Variants in SPTBN5 observed in about 807,000 individuals in gnomAD.
The protein encoded by SPTBN5 is spectrin beta, non-erythrocytic 5.
Under a neutral mutation model 477.6 loss-of-function variants are expected in SPTBN5, and 513 were observed. That is an observed-to-expected ratio of 1.07 (90% CI 1.00 to 1.16). The LOEUF (loss-of-function observed/expected upper bound fraction) is 1.16. Among genes scored for constraint, SPTBN5 ranks in the 50% most tolerant of loss-of-function variants. The probability of loss-of-function intolerance (pLI) is 0.00; values close to 1 mark genes in which losing one functional copy is unlikely to be tolerated. For missense variants in SPTBN5, 5,062 were observed against 4,731.8 expected, an observed-to-expected ratio of 1.07 and a Z score of -2.05; for synonymous variants, 2,169 against 2,011.7, an observed-to-expected ratio of 1.08 and a Z score of -2.09.
chr15:41,848,800 CGTGA>C (rs1328718079), intron 67 of SPTBN5, among the ~76,000 whole-genome samples, 172 bp from the exon 68 acceptor site: 2 of 152,024 alleles, frequency 1.3e-5, no homozygotes, highest in African/African-American at 2.4e-5. Context: ...CACAGTGACG[CGTGA>C]GTGGGTGGGA....
chr15:41,848,885 A>T (rs1251030214), intron 67 of SPTBN5, among the ~76,000 whole-genome samples: 1 of 152,182 alleles, frequency 6.6e-6, no homozygotes, highest in African/African-American at 2.4e-5. Flanking sequence ...TGGGTTAGAG[A>T]CAGCAGAAAA....
At chr15:41,859,313 C>T (rs1383252916) in intron 47 of SPTBN5, among the ~76,000 whole-genome samples, 3 of 152,158 alleles carry the variant, frequency 2.0e-5, no homozygotes, top group African/African-American at 2.4e-5. Context: ...CTCACACCTC[C>T]AGGCCCAGCT....
chr15:41,852,779 G>GA, intron 60 of SPTBN5, 44 bp from the exon 61 acceptor site: 1 of 1,603,782 alleles, frequency 6.2e-7, no homozygotes, highest in East Asian at 2.2e-5. Flanking sequence ...TGGGGGGGGG[G>GA]GCCCAGAGCC....
At chr15:41,849,046 G>C (rs534488217) in intron 67 of SPTBN5, among the ~76,000 whole-genome samples, 1 of 152,208 alleles carries the variant, frequency 6.6e-6, no homozygotes, top group Non-Finnish European at 1.5e-5. Context: ...ACCCCTCATG[G>C]TATGAGCCCT....
intron 16 of SPTBN5, 122 bp from the exon 17 acceptor site, chr15:41,878,751 C>T (rs555682490): frequency 4.5e-6 from 5 of 1,112,290 alleles, no homozygotes; most frequent in Middle Eastern, 3.0e-4. Context: ...ATGCCCACCC[C>T]ACCCTTGACC....
intron 4 of SPTBN5, 25 bp downstream of exon 4, chr15:41,890,064 C>T (rs774717576): frequency 2.6e-6 from 4 of 1,531,354 alleles, no homozygotes; most frequent in Non-Finnish European, 2.7e-6. Flanking sequence ...TCACCAGGTG[C>T]TGGGTACTGG....
At chr15:41,885,687 A>G (rs2067123982) in intron 7 of SPTBN5, 48 bp downstream of exon 7, 1 of 1,520,692 alleles carries the variant, frequency 6.6e-7, no homozygotes, top group Non-Finnish European at 8.8e-7. Flanking sequence ...GGGGTGTGGT[A>G]GGACAGCCTC....
Position 41,863,647 on chromosome 15 carries a change from C to T in SPTBN5, c.7149+57G>A. ...CGCATGGGAGACTCTAGGCAGTGCCCCCTCCCCTGACTGCATTTGCTCACA... is the reference window on the plus strand; with the variant it reads ...CGCATGGGAGACTCTAGGCAGTGCCTCCTCCCCTGACTGCATTTGCTCACA... On this transcript the variant is annotated intron_variant, in intron 41 of 67. Transcript: ENST00000320955. 2.2e-6 allele frequency: 3 copies of T among 1,394,440 alleles called. No homozygotes were observed. In the South Asian group the frequency reaches 3.6e-5, roughly 17 times the overall value. The allele number at this position is 1,394,440 out of a possible 1,614,324, so 86.4% of individuals were successfully genotyped here. A position where few individuals can be genotyped will look rare whatever the true frequency, so the allele number is the denominator to read the frequency against.
intron 27 of SPTBN5, 133 bp downstream of exon 27, chr15:41,872,169 C>T (rs773774386): frequency 3.4e-5 from 42 of 1,235,702 alleles, no homozygotes; most frequent in Non-Finnish European, 4.3e-5. Flanking sequence ...GTGAGCAACA[C>T]ACACCCTTTT....
rs746312050 is a variant in SPTBN5, at chr15:41,876,267, C to T, written c.3969G>A (p.Val1323=). ...SLQLQEWKQD[V]AELMQWMEEK... The stretch of plus-strand genomic sequence containing the variant: ...CTTCCATCCACTGCATCAGCTCTGC[C>T]ACATCCTGCTTCCACTCCTGCCAAG... The change falls in exon 21 of 68, where the codon GTG becomes GTA. Residue 1323 remains valine, a synonymous_variant. Coordinates refer to ENST00000320955, the MANE Select transcript of SPTBN5 (RefSeq NM_016642.4). 3.8e-6 allele frequency: 6 copies of T among 1,576,936 alleles called. No individual in the cohort carries two copies. Among genetic ancestry groups the T allele is most frequent in the Non-Finnish European group, 8.6e-7 (1 of 1,161,168 alleles).
rs767973009 is a variant in SPTBN5, at chr15:41,855,586, T to C, written c.9181A>G (p.Thr3061Ala). 4 of 1,612,160 alleles carry C rather than the reference T, an allele frequency of 2.5e-6. No homozygotes were observed. The highest frequency in any genetic ancestry group is 1.1e-5 in the South Asian group (1 of 91,012). Residue 3061 changes from threonine (T) to alanine (A), a missense_variant, in exon 54 of 68, where the codon ACA (threonine) becomes GCA (alanine). Coordinates refer to ENST00000320955, the MANE Select transcript of SPTBN5 (RefSeq NM_016642.4). ...FSPRIERLQQ[T>A]AALLESRKNP... ...TTCCTGCTCTCCAGGAGTGCTGCTG[T>C]CTGCTGCAGCCGCTCGATGCGTGGG... is the stretch of plus-strand genomic sequence containing the variant.
chr15:41,871,273 G>A, intron 29 of SPTBN5, 102 bp downstream of exon 29: 1 of 1,266,220 alleles, frequency 7.9e-7, no homozygotes, highest in Non-Finnish European at 1.0e-6. Flanking sequence ...GCCAGGGCCA[G>A]TGTGGCCCTC....
chr15:41,893,369 G>T lies in SPTBN5; in HGVS notation c.129C>A (p.Gly43=), dbSNP rs774275926. 176 of 1,613,836 alleles carry T rather than the reference G, an allele frequency of 1.1e-4. No homozygotes were observed. Among genetic ancestry groups the T allele is most frequent in the Non-Finnish European group, 1.4e-4 (171 of 1,179,894 alleles). Residue 43 remains glycine (G), a synonymous_variant, in exon 2 of 68, where the codon GGC becomes GGA. Coordinates refer to ENST00000320955, the MANE Select transcript of SPTBN5 (RefSeq NM_016642.4). ...GCCGGGCCTGTAGCTTGCGAATGTG[G>T]CCCGTCTCGTACTGAGAGTCCATGG... ...SLTMDSQYET[G]HIRKLQARHM... is the part of the protein sequence containing the mutation.
chr15:41,879,041 G>A (rs2066849161), intron 16 of SPTBN5, among the ~76,000 whole-genome samples: 1 of 152,134 alleles, frequency 6.6e-6, no homozygotes, highest in African/African-American at 2.4e-5. Context: ...ACTCAGCCCG[G>A]GCGACAGAGC....
At position 41,882,087 on chromosome 15, in the gene SPTBN5, T is replaced by A. The variant is rs747319168; in HGVS notation, c.2306A>T (p.Glu769Val). ...CTGGTCCTGACCGCAGGACGCTCTCTCCAGCGAGGATCGCCGCTCGCGCAG... is the reference window on the plus strand; with the variant it reads ...CTGGTCCTGACCGCAGGACGCTCTCACCAGCGAGGATCGCCGCTCGCGCAG... The part of the protein sequence containing the change: ...SWLRERRSSL[E>V]RASCGQDQAA... Residue 769 changes from glutamate to valine, a missense_variant, in exon 12 of 68, where the codon GAG becomes GTG. Coordinates refer to ENST00000320955, the MANE Select transcript of SPTBN5 (RefSeq NM_016642.4). 1 of 1,573,412 alleles carries A rather than the reference T, an allele frequency of 6.4e-7. No individual in the cohort carries two copies. Among genetic ancestry groups the A allele is most frequent in the East Asian group, 2.3e-5 (1 of 42,594 alleles).
At chr15:41,893,194 A>T in intron 2 of SPTBN5, 88 bp downstream of exon 2, 1 of 1,588,424 alleles carries the variant, frequency 6.3e-7, no homozygotes, top group South Asian at 1.1e-5. Context: ...CCTCAGGCAG[A>T]TGACCCCACA....
chr15:41,861,587 C>G, intron 45 of SPTBN5, 91 bp from the exon 46 acceptor site: 3 of 1,542,232 alleles, frequency 1.9e-6, no homozygotes, highest in South Asian at 2.3e-5. Context: ...GTTAGGGAAC[C>G]AGGGTCCTGG....
chr15:41,870,688 T>C (rs2066507187), intron 29 of SPTBN5, 128 bp from the exon 30 acceptor site: 1 of 721,028 alleles, frequency 1.4e-6, no homozygotes. Context: ...CTCCTCCTTC[T>C]TAAAACCTCT....
rs370013601 is a variant in SPTBN5 at position 41,851,095 on chromosome 15, C to G, written c.10799G>C (p.Arg3600Pro). The change falls in exon 65 of 68, where the codon CGG becomes CCG. Residue 3600 changes from arginine (R) to proline (P), a missense_variant. Arg to Pro is a moderately radical substitution (Grantham distance 103). Coordinates refer to ENST00000320955, the MANE Select transcript of SPTBN5 (RefSeq NM_016642.4). ...DLTGARCERLRGRHGRKHTFS... is the reference protein window; with the variant it reads ...DLTGARCERLPGRHGRKHTFS... Reference sequence around the variant, plus strand: ...TGTGTGTTTCCTGCCGTGGCGGCCCCGCAGCCTCTCACACCGGGCTCCCGT... The same window carrying G: ...TGTGTGTTTCCTGCCGTGGCGGCCCGGCAGCCTCTCACACCGGGCTCCCGT... 1.1e-5 allele frequency: 18 copies of G among 1,612,976 alleles called. No homozygotes were observed. Among genetic ancestry groups the G allele is most frequent in the Non-Finnish European group, 1.4e-5 (16 of 1,179,818 alleles).
Sources: gnomAD v4.1 joint callset for allele counts (sites outside exome capture counted in the v4.1 genomes callset) on GRCh38, gnomAD v4.1.1 for gene constraint, MANE v1.5 for transcripts, NCBI Gene and HGNC (gene_info 2026-07-23, HGNC 2026-07-21) for gene names.